The following ANKRD33B variants were observed in gnomAD, a reference collection of about 807,000 sequenced individuals.
ANKRD33B encodes ankyrin repeat domain 33B, also known as ankyrin repeat domain-containing protein 33B.
Under a neutral mutation model 21.5 loss-of-function variants are expected in ANKRD33B, and 6 were observed. The observed-to-expected ratio is 0.28, with a 90% CI of 0.15 to 0.55. The LOEUF is 0.55. Among genes scored for constraint, ANKRD33B ranks in the 20% least tolerant of loss-of-function variants. ANKRD33B has a pLI of 0.94. For synonymous variants in ANKRD33B, 347 were observed against 342.4 expected, an observed-to-expected ratio of 1.01 and a Z score of -0.15; for missense variants, 698 against 747.2, an observed-to-expected ratio of 0.93 and a Z score of 0.77.
At chr5:10,568,791 C>G (rs1481058580) in intron 1 of ANKRD33B, among the ~76,000 whole-genome samples, 1 of 152,210 alleles carries the variant, frequency 6.6e-6, no homozygotes, top group Non-Finnish European at 1.5e-5. Context: ...TGCTTGGCCT[C>G]TGAAAGTTCT....
At chr5:10,636,641 CTG>C (rs1336173520) in intron 2 of ANKRD33B, among the ~76,000 whole-genome samples, 1 of 152,162 alleles carries the variant, frequency 6.6e-6, no homozygotes, top group Non-Finnish European at 1.5e-5. Flanking sequence ...AGGATGGGAA[CTG>C]GGTACCCAGC....
intron 2 of ANKRD33B, among the ~76,000 whole-genome samples, chr5:10,636,858 G>C (rs564082192): frequency 6.6e-6 from 1 of 152,334 alleles, no homozygotes; most frequent in South Asian, 2.1e-4. Context: ...TTCTCACCTG[G>C]GGTGTTCTTG....
At chr5:10,640,301 G>A (rs557532866) in intron 3 of ANKRD33B, among the ~76,000 whole-genome samples, 18 of 152,240 alleles carry the variant, frequency 1.2e-4, no homozygotes, top group African/African-American at 3.6e-4. Flanking sequence ...TGTCTTTTGC[G>A]CCATCTTGGA....
At chr5:10,601,262 A>G (rs1738874189) in intron 1 of ANKRD33B, among the ~76,000 whole-genome samples, 1 of 152,074 alleles carries the variant, frequency 6.6e-6, no homozygotes, top group Non-Finnish European at 1.5e-5. Flanking sequence ...GCTTTCTAAG[A>G]CCCTGCGTGG....
At chr5:10,642,943 C>T (rs926264245) in intron 3 of ANKRD33B, among the ~76,000 whole-genome samples, 3 of 152,060 alleles carry the variant, frequency 2.0e-5, no homozygotes, top group Non-Finnish European at 4.4e-5. Context: ...CTCACTCTGT[C>T]GCCCAGAGTG....
intron 3 of ANKRD33B, among the ~76,000 whole-genome samples, 162 bp from the exon 4 acceptor site, chr5:10,649,104 G>A (rs1330278220): frequency 2.0e-5 from 3 of 149,580 alleles, no homozygotes; most frequent in Admixed American, 2.0e-4. Flanking sequence ...CCGGCGCTCA[G>A]ATGAGCACAG....
intron 1 of ANKRD33B, among the ~76,000 whole-genome samples, chr5:10,617,848 A>G (rs1352554991): frequency 6.6e-6 from 1 of 151,948 alleles, no homozygotes; most frequent in Non-Finnish European, 1.5e-5. Context: ...TGTTTCCTCT[A>G]CTGGGGCATT....
intron 1 of ANKRD33B, among the ~76,000 whole-genome samples, chr5:10,567,054 C>G (rs1262104555): frequency 1.3e-5 from 2 of 152,200 alleles, no homozygotes; most frequent in Admixed American, 6.5e-5. Flanking sequence ...GAAGTGAAGA[C>G]TTTGTTTCTC....
Position 10,655,288 on chromosome 5 carries a change from G to C in ANKRD33B, c.*5175G>C, listed in dbSNP as rs1309646684. ...ACCCTAGGCCTGAAAAGGATGCAAA[G>C]CCTGCTGTTTTCAGGCTGTTGGGAA... On this transcript the variant is annotated 3_prime_UTR_variant, in exon 4 of 4. Transcript: ENST00000296657. The C allele has an allele frequency of 6.6e-6, 1 of 152,356 alleles. No individual in the cohort carries two copies. Among genetic ancestry groups the C allele is most frequent in the Non-Finnish European group, 1.5e-5 (1 of 68,048 alleles). The allele number at this position is 152,356 out of a possible 1,614,324, so 9.4% of individuals were successfully genotyped here. A position where few individuals can be genotyped will look rare whatever the true frequency, so the allele number is the denominator to read the frequency against.
rs138741216 is a variant in ANKRD33B, at chr5:10,594,374, C to T, written c.367-23959C>T. On this transcript the variant is annotated intron_variant, in intron 1 of 3. Transcript: ENST00000296657. Reference sequence around the variant, plus strand: ...CTGGGATTACAGGCATGCGCCACCACGCCCGGCTAATTTTTGTATTTTTAG... The same window carrying T: ...CTGGGATTACAGGCATGCGCCACCATGCCCGGCTAATTTTTGTATTTTTAG... Among the ~76,000 whole-genome samples the T allele has an allele frequency of 2.5e-3, 381 of 152,094 alleles. 1 individual carries two copies. The highest frequency in any genetic ancestry group is 8.6e-3 in the African/African-American group (357 of 41,492).
rs979729093 is a variant in ANKRD33B at position 10,611,921 on chromosome 5, T to C, written c.367-6412T>C. On this transcript the variant is annotated intron_variant, in intron 1 of 3. Coordinates refer to ENST00000296657, the MANE Select transcript of ANKRD33B (RefSeq NM_001164440.2). ...TGTGGAATTTAAGGCCAGCAGGTGG[T>C]GATTGATATGCACACTTGGTCTTCT... 3.2e-4 allele frequency among the ~76,000 whole-genome samples: 48 copies of C among 152,122 alleles called. 1 individual carries two copies. The highest frequency in any genetic ancestry group is 7.4e-5 in the Non-Finnish European group (5 of 68,024).
chr5:10,586,284 C>T (rs550264851), intron 1 of ANKRD33B, among the ~76,000 whole-genome samples: 4 of 152,186 alleles, frequency 2.6e-5, no homozygotes, highest in East Asian at 1.9e-4. Context: ...TCACTTCCCA[C>T]GATTTGGTTG....
chr5:10,632,882 G>T (rs1736759690), intron 2 of ANKRD33B, among the ~76,000 whole-genome samples: 1 of 152,132 alleles, frequency 6.6e-6, no homozygotes, highest in African/African-American at 2.4e-5. Flanking sequence ...CCTCCTCCTG[G>T]TTTCAAGTGA....
Position 10,580,195 on chromosome 5 carries a change from C to T in ANKRD33B, c.366+15362C>T, listed in dbSNP as rs150299382. Among the ~76,000 whole-genome samples, 380 of 152,334 alleles carry T rather than the reference C, an allele frequency of 2.5e-3. 1 individual carries two copies. Among genetic ancestry groups the T allele is most frequent in the African/African-American group, 8.8e-3 (364 of 41,564 alleles). Reference sequence around the variant, plus strand: ...ATGTGGGTTCTACCTGCAAGGGTCTCACCATAAATTACCTGTCAATTACAG... The same window carrying T: ...ATGTGGGTTCTACCTGCAAGGGTCTTACCATAAATTACCTGTCAATTACAG... On this transcript the variant is annotated intron_variant, in intron 1 of 3. Transcript: ENST00000296657.
At chr5:10,572,298 A>G (rs1735214612) in intron 1 of ANKRD33B, among the ~76,000 whole-genome samples, 1 of 152,120 alleles carries the variant, frequency 6.6e-6, no homozygotes, top group African/African-American at 2.4e-5. Context: ...GACCTGGAGC[A>G]GGGGGTTCCC....
intron 2 of ANKRD33B, among the ~76,000 whole-genome samples, chr5:10,632,126 T>C (rs771188926): frequency 1.3e-4 from 20 of 151,804 alleles, no homozygotes; most frequent in Non-Finnish European, 2.6e-4. Flanking sequence ...AGGGGGTCGG[T>C]TCAGTCCGTT....
chr5:10,593,719 T>G (rs372564066), intron 1 of ANKRD33B, among the ~76,000 whole-genome samples: 1 of 151,994 alleles, frequency 6.6e-6, no homozygotes, highest in African/African-American at 2.4e-5. Context: ...AATGACCCAC[T>G]CACTCCCCAA....
intron 1 of ANKRD33B, among the ~76,000 whole-genome samples, chr5:10,603,103 C>T (rs555931993): frequency 5.3e-5 from 8 of 151,774 alleles, no homozygotes; most frequent in Admixed American, 2.6e-4. Flanking sequence ...TGTGAGCCAC[C>T]GTGCCCGGCC....
Position 10,653,444 on chromosome 5 carries a change from A to T in ANKRD33B, c.*3331A>T, listed in dbSNP as rs1374333738. On this transcript the variant is annotated 3_prime_UTR_variant, in exon 4 of 4. Coordinates refer to ENST00000296657, the MANE Select transcript of ANKRD33B (RefSeq NM_001164440.2). ...CAGGAGACCAGGGAGGGAAGCCCAGATGATGGGGAAACAGAGCCACCTTGA... is the reference window on the plus strand; with the variant it reads ...CAGGAGACCAGGGAGGGAAGCCCAGTTGATGGGGAAACAGAGCCACCTTGA... The T allele has an allele frequency of 6.5e-6, 1 of 152,792 alleles. No homozygotes were observed. The highest frequency in any genetic ancestry group is 1.5e-5 in the Non-Finnish European group (1 of 68,394). The allele number at this position is 152,792 out of a possible 1,614,324, so 9.5% of individuals were successfully genotyped here.
Sources: allele counts gnomAD v4.1 joint callset (sites outside exome capture counted in the v4.1 genomes callset), GRCh38; gene constraint gnomAD v4.1.1; transcripts MANE v1.5; gene names NCBI Gene and HGNC (gene_info 2026-07-23, HGNC 2026-07-21).